Variants in TRAPPC8 observed in about 807,000 individuals in gnomAD.
The protein encoded by TRAPPC8 is trafficking protein particle complex subunit 8, also known as general sporulation gene 1 homolog.
A neutral mutation model predicts 174.3 loss-of-function variants in TRAPPC8; 54 were observed. That is an observed-to-expected ratio of 0.31 (90% CI 0.25 to 0.39). TRAPPC8 has a LOEUF of 0.39. TRAPPC8 is among the 10% of genes least tolerant of loss of function. The pLI is 1.00. For synonymous variants in TRAPPC8, 630 were observed against 579.9 expected, an observed-to-expected ratio of 1.09 and a Z score of -1.24; for missense variants, 1,531 against 1,699.1, an observed-to-expected ratio of 0.90 and a Z score of 1.74.
chr18:31,842,863 A>G (rs961229200), intron 26 of TRAPPC8, among the ~76,000 whole-genome samples: 1 of 152,184 alleles, frequency 6.6e-6, no homozygotes, highest in Non-Finnish European at 1.5e-5. Context: ...ATTTCAGAGA[A>G]GGGATACTCA....
intron 11 of TRAPPC8, among the ~76,000 whole-genome samples, chr18:31,893,106 A>G (rs1479039000): frequency 6.7e-6 from 1 of 150,240 alleles, no homozygotes; most frequent in Non-Finnish European, 1.5e-5. Flanking sequence ...TGTTTAGGGG[A>G]TTTTGTAATT....
intron 13 of TRAPPC8, chr18:31,874,152 TA>T (rs2035026559): frequency 2.8e-6 from 1 of 354,770 alleles, no homozygotes; most frequent in Non-Finnish European, 5.0e-6. Context: ...AGAACCCACT[TA>T]AAACCAACTG....
At chr18:31,913,296 A>T in intron 5 of TRAPPC8, 73 bp downstream of exon 5, 1 of 1,442,616 alleles carries the variant, frequency 6.9e-7, no homozygotes, top group Non-Finnish European at 9.3e-7. Flanking sequence ...ATGAATAATT[A>T]TACTAGTTAA....
intron 9 of TRAPPC8, among the ~76,000 whole-genome samples, chr18:31,905,961 G>C (rs185120474): frequency 1.2e-4 from 18 of 152,142 alleles, no homozygotes; most frequent in African/African-American, 2.9e-4. Context: ...TTTCATATTA[G>C]CTTAAATTGG....
chr18:31,876,661 C>T (rs1012446947), intron 12 of TRAPPC8, among the ~76,000 whole-genome samples: 2 of 152,020 alleles, frequency 1.3e-5, no homozygotes, highest in Admixed American at 6.5e-5. Context: ...GAAAGAAAAA[C>T]AACAAGAGTT....
intron 3 of TRAPPC8, 93 bp from the exon 4 acceptor site, chr18:31,916,539 T>C: frequency 3.1e-6 from 4 of 1,308,114 alleles, no homozygotes; most frequent in Non-Finnish European, 4.1e-6. Flanking sequence ...GTTTGTTTGT[T>C]TGTTTGTTTC....
At chr18:31,846,096 A>C (rs1425952644) in intron 26 of TRAPPC8, among the ~76,000 whole-genome samples, 3 of 152,186 alleles carry the variant, frequency 2.0e-5, no homozygotes, top group Non-Finnish European at 2.9e-5. Flanking sequence ...TCTTAAGCAA[A>C]TCAATTCTTT....
At chr18:31,841,211 G>T (rs1396062338) in intron 26 of TRAPPC8, among the ~76,000 whole-genome samples, 1 of 152,050 alleles carries the variant, frequency 6.6e-6, no homozygotes, top group Non-Finnish European at 1.5e-5. Flanking sequence ...TTGATTATGG[G>T]TAATTTCAAA....
In TRAPPC8 at chr18:31,913,529, C is replaced by G; in HGVS notation, c.618-7G>C. The G allele has an allele frequency of 3.8e-6, 6 of 1,568,354 alleles. No homozygotes were observed. Among genetic ancestry groups the G allele is most frequent in the Non-Finnish European group, 5.2e-6 (6 of 1,162,722 alleles). On this transcript the variant is annotated splice_region_variant and splice_polypyrimidine_tract_variant and intron_variant, in intron 4 of 28. Coordinates refer to ENST00000283351, the MANE Select transcript of TRAPPC8 (RefSeq NM_014939.5). The stretch of plus-strand genomic sequence containing the variant: ...TTCATAAATTGATTCAGCTCTAAAA[C>G]AGAAAATGGAAAAAAATCTGAAGTA...
intron 2 of TRAPPC8, among the ~76,000 whole-genome samples, chr18:31,929,100 C>A (rs781635181): frequency 2.0e-5 from 3 of 151,462 alleles, no homozygotes; most frequent in Admixed American, 6.6e-5. Flanking sequence ...GAGAATCTCT[C>A]GAACCCGGGA....
intron 5 of TRAPPC8, among the ~76,000 whole-genome samples, chr18:31,911,589 A>C (rs2036905663): frequency 6.6e-6 from 1 of 151,656 alleles, no homozygotes. Context: ...AAATACAAAA[A>C]TTAGCCAGGC....
chr18:31,935,371 A>AAAAAAAC (rs2038042415), intron 1 of TRAPPC8, among the ~76,000 whole-genome samples: 1 of 148,726 alleles, frequency 6.7e-6, no homozygotes, highest in Admixed American at 6.7e-5. Flanking sequence ...AACCAAAAAA[A>AAAAAAAC]AAACAGGCTT....
chr18:31,921,155 G>T (rs1255696052), intron 2 of TRAPPC8, among the ~76,000 whole-genome samples: 1 of 152,022 alleles, frequency 6.6e-6, no homozygotes, highest in East Asian at 1.9e-4. Flanking sequence ...AGAAAAGTAT[G>T]CATTTTTGTG....
intron 19 of TRAPPC8, among the ~76,000 whole-genome samples, chr18:31,858,908 C>T (rs1452029433): frequency 6.6e-6 from 1 of 152,102 alleles, no homozygotes; most frequent in Non-Finnish European, 1.5e-5. Flanking sequence ...AGTTCAAAAC[C>T]AGCCTGGGCA....
chr18:31,871,808 TTC>T (rs1391599654), intron 14 of TRAPPC8, among the ~76,000 whole-genome samples: 1 of 152,086 alleles, frequency 6.6e-6, no homozygotes. Flanking sequence ...GGAATTCTAT[TTC>T]TTTCACTCTT....
At position 31,874,512 on chromosome 18, in the gene TRAPPC8, C is replaced by G; in HGVS notation, c.1921G>C (p.Ala641Pro). Residue 641 changes from alanine (A) to proline (P), a missense_variant, in exon 13 of 29, where the codon GCT (alanine) becomes CCT (proline). Ala to Pro is a conservative substitution (Grantham distance 27, BLOSUM62 -1). Coordinates refer to ENST00000283351, the MANE Select transcript of TRAPPC8 (RefSeq NM_014939.5). The stretch of plus-strand genomic sequence containing the variant: ...ACATAAAGATATTCTCTGAGGAAAG[C>G]CCCCTGTTGAGCAGCAGATTGTTTA... ...ESKQSAAQQG[A>P]FLREYLYVYK... 1 of 1,613,952 alleles carries G rather than the reference C, an allele frequency of 6.2e-7. No individual in the cohort carries two copies. The highest frequency in any genetic ancestry group is 8.5e-7 in the Non-Finnish European group (1 of 1,179,974).
At chr18:31,867,603 A>C in intron 16 of TRAPPC8, 127 bp from the exon 17 acceptor site, 18 of 544,290 alleles carry the variant, frequency 3.3e-5, no homozygotes, top group East Asian at 1.9e-4. Flanking sequence ...TTTTTACCAC[A>C]TGCTGAGCTC....
Position 31,851,096 on chromosome 18 carries a change from T to C in TRAPPC8, c.3561+1350A>G, listed in dbSNP as rs58660061. Among the ~76,000 whole-genome samples the C allele has an allele frequency of 9.9e-3, 1,502 of 152,154 alleles. 25 individuals are homozygous for C. The highest frequency in any genetic ancestry group is 0.035 in the African/African-American group (1,437 of 41,508). On this transcript the variant is annotated intron_variant, in intron 24 of 28. Coordinates refer to ENST00000283351, the MANE Select transcript of TRAPPC8 (RefSeq NM_014939.5). ...AGATGAAAGCAAATGATAAAAGAAG[T>C]ACAAAAATATAAGGATGTTTAGAAT...
intron 12 of TRAPPC8, among the ~76,000 whole-genome samples, chr18:31,877,867 G>A (rs561676305): frequency 2.7e-5 from 4 of 150,848 alleles, no homozygotes; most frequent in Admixed American, 6.6e-5. Context: ...AGATTGCAGT[G>A]AGCCGAGATC....
Sources: gnomAD v4.1 joint callset for allele counts (sites outside exome capture counted in the v4.1 genomes callset) on GRCh38, gnomAD v4.1.1 for gene constraint, MANE v1.5 for transcripts, NCBI Gene and HGNC (gene_info 2026-07-23, HGNC 2026-07-21) for gene names.